Variants in PLEKHH2 observed in about 807,000 individuals in gnomAD.
PLEKHH2 encodes the protein pleckstrin homology, MyTH4 and FERM domain containing H2, also known as pleckstrin homology domain-containing family H member 2.
Under a neutral mutation model 187.9 loss-of-function variants are expected in PLEKHH2, and 129 were observed. That is an observed-to-expected ratio of 0.69 (90% CI 0.59 to 0.79). PLEKHH2 has a LOEUF of 0.79. Ranked by LOEUF, PLEKHH2 falls within the 30% of genes least tolerant of loss-of-function variation. PLEKHH2 has a pLI of 0.00. For synonymous variants in PLEKHH2, 686 were observed against 605.6 expected (o/e 1.13, Z -1.95); for missense variants, 2,076 against 1,751.2 (o/e 1.19, Z -3.31).
At chr2:43,732,930 C>G (rs1434691098) in intron 19 of PLEKHH2, among the ~76,000 whole-genome samples, 2 of 152,146 alleles carry the variant, frequency 1.3e-5, no homozygotes, top group African/African-American at 4.8e-5. Flanking sequence ...CTTCCTCTCT[C>G]ACAGCCAACT....
At chr2:43,685,026 C>G (rs954414934) in intron 3 of PLEKHH2, among the ~76,000 whole-genome samples, 1 of 152,190 alleles carries the variant, frequency 6.6e-6, no homozygotes, top group Non-Finnish European at 1.5e-5. Flanking sequence ...TTCTCATGCA[C>G]TGATGAAGTC....
At position 43,734,138 on chromosome 2, in the gene PLEKHH2, A is replaced by T. The variant is rs13419218; in HGVS notation, c.2943+2536A>T. 5.9e-5 allele frequency among the ~76,000 whole-genome samples: 9 copies of T among 152,158 alleles called. No homozygotes were observed. The South Asian group carries it at 1.9e-3, about 32-fold the overall frequency. On this transcript the variant is annotated intron_variant, in intron 19 of 29. Transcript: ENST00000282406. ...ATTTCCAACATATATGAGTAGAGAG[A>T]ATATTACAATGAGGCCTAAAGTACT...
intron 14 of PLEKHH2, chr2:43,711,040 T>C: frequency 1.0e-6 from 1 of 989,560 alleles, no homozygotes. Flanking sequence ...GCAGAGGGAG[T>C]GTGCTGCCAA....
At chr2:43,637,759 C>T (rs941938071) in intron 1 of PLEKHH2, among the ~76,000 whole-genome samples, 5 of 152,160 alleles carry the variant, frequency 3.3e-5, no homozygotes, top group African/African-American at 1.2e-4. Flanking sequence ...GGGACCCGCG[C>T]GGTCAGGGAT....
intron 19 of PLEKHH2, among the ~76,000 whole-genome samples, chr2:43,737,291 G>T (rs1671339003): frequency 6.6e-6 from 1 of 152,172 alleles, no homozygotes; most frequent in African/African-American, 2.4e-5. Context: ...AAGATCACCA[G>T]GCATACAGAG....
chr2:43,658,751 G>A (rs80019603), intron 2 of PLEKHH2: 3,854 of 152,256 alleles, frequency 0.025, 53 homozygotes, highest in South Asian at 0.061. Context: ...GATGCAGTGC[G>A]TCTTATGACC....
At chr2:43,728,927 C>A (rs1057430761) in intron 17 of PLEKHH2, among the ~76,000 whole-genome samples, 2 of 151,950 alleles carry the variant, frequency 1.3e-5, no homozygotes, top group Non-Finnish European at 2.9e-5. Flanking sequence ...ATAACATTTC[C>A]TTTTCAGTTA....
intron 17 of PLEKHH2, among the ~76,000 whole-genome samples, chr2:43,727,253 A>C (rs1670797955): frequency 6.6e-6 from 1 of 152,050 alleles, no homozygotes; most frequent in Non-Finnish European, 1.5e-5. Flanking sequence ...TCTCTACTAA[A>C]ATACAAAAAT....
At chr2:43,721,206 T>G (rs769996404) in intron 16 of PLEKHH2, among the ~76,000 whole-genome samples, 11 of 152,172 alleles carry the variant, frequency 7.2e-5, no homozygotes, top group Non-Finnish European at 1.3e-4. Flanking sequence ...ATGTTTAAAC[T>G]AATCCCCTCC....
At chr2:43,738,218 C>A in intron 19 of PLEKHH2, 123 bp from the exon 20 acceptor site, 1 of 774,464 alleles carries the variant, frequency 1.3e-6, no homozygotes, top group Non-Finnish European at 1.9e-6. Context: ...TTAGTGTTAT[C>A]ATAATATATC....
chr2:43,656,051 T>A (rs1317714068), intron 2 of PLEKHH2, among the ~76,000 whole-genome samples: 1 of 151,890 alleles, frequency 6.6e-6, no homozygotes, highest in Non-Finnish European at 1.5e-5. Flanking sequence ...CTCCACCTCC[T>A]GGGTTCAAGT....
rs540292131 is a variant in PLEKHH2, at chr2:43,650,429, G to A, written c.123+5633G>A. On this transcript the variant is annotated intron_variant, in intron 2 of 29. Transcript: ENST00000282406. ...ATTACAGACGTGAGCCACTGTACCCGGCCATTTCAGGTTTCTTTTACTGAC... is the reference window on the plus strand; with the variant it reads ...ATTACAGACGTGAGCCACTGTACCCAGCCATTTCAGGTTTCTTTTACTGAC... 9.9e-5 allele frequency among the ~76,000 whole-genome samples: 15 copies of A among 151,892 alleles called. No homozygotes were observed. The South Asian group carries it at 1.2e-3, about 13-fold the overall frequency.
chr2:43,657,450 G>C lies in PLEKHH2; in HGVS notation c.123+12654G>C, dbSNP rs542557676. ...AGGTAGCCAGATCTCTGTCCATGGTGATTCAGGGCTCCAAGAAAGAGCAAG... is the reference window on the plus strand; with the variant it reads ...AGGTAGCCAGATCTCTGTCCATGGTCATTCAGGGCTCCAAGAAAGAGCAAG... On this transcript the variant is annotated intron_variant, in intron 2 of 29. Transcript: ENST00000282406. Among the ~76,000 whole-genome samples, 5 of 152,300 alleles carry C rather than the reference G, an allele frequency of 3.3e-5. No homozygotes were observed. In the South Asian group the frequency reaches 1.0e-3, roughly 32 times the overall value.
intron 2 of PLEKHH2, among the ~76,000 whole-genome samples, chr2:43,678,093 G>A (rs1414149410): frequency 6.2e-5 from 9 of 144,286 alleles, no homozygotes; most frequent in Non-Finnish European, 1.1e-4. Flanking sequence ...GGGCAGAGGC[G>A]CTCCTCACAT....
chr2:43,707,391 T>C lies in PLEKHH2; in HGVS notation c.1822-10T>C. 6.2e-7 allele frequency: 1 copy of C among 1,613,822 alleles called. No homozygotes were observed. Among genetic ancestry groups the C allele is most frequent in the Non-Finnish European group, 8.5e-7 (1 of 1,179,878 alleles). On this transcript the variant is annotated splice_polypyrimidine_tract_variant and intron_variant, in intron 10 of 29. Coordinates refer to ENST00000282406, the MANE Select transcript of PLEKHH2 (RefSeq NM_172069.4). ...GATGGATACAGGGAGGTTGTTCCACTTTTCTTTAGAAGGCGACCCAAATAA... is the reference window on the plus strand; with the variant it reads ...GATGGATACAGGGAGGTTGTTCCACCTTTCTTTAGAAGGCGACCCAAATAA...
chr2:43,759,621 A>G (rs888361454), intron 27 of PLEKHH2, among the ~76,000 whole-genome samples: 1 of 152,154 alleles, frequency 6.6e-6, no homozygotes. Context: ...CTGTTGAAAC[A>G]TGTCTCTTTG....
chr2:43,711,666 C>T (rs186086257), intron 14 of PLEKHH2: 18,587 of 747,860 alleles, frequency 0.025, 257 homozygotes, highest in Non-Finnish European at 0.028. Context: ...CTGAGGCAGG[C>T]GGATCATGAG....
At chr2:43,726,477 T>A in intron 17 of PLEKHH2, 26 bp downstream of exon 17, 1 of 1,529,864 alleles carries the variant, frequency 6.5e-7, no homozygotes. Flanking sequence ...TTGGTTGATT[T>A]AGAATGATGT....
chr2:43,719,019 C>T (rs145917261), intron 15 of PLEKHH2, among the ~76,000 whole-genome samples: 4 of 152,240 alleles, frequency 2.6e-5, no homozygotes, highest in East Asian at 3.9e-4. Context: ...ATAGTGAGGA[C>T]GGAAGCATTT....
Sources: allele counts gnomAD v4.1 joint callset (sites outside exome capture counted in the v4.1 genomes callset), GRCh38; gene constraint gnomAD v4.1.1; transcripts MANE v1.5; gene names NCBI Gene and HGNC (gene_info 2026-07-23, HGNC 2026-07-21).